Variants in NCOA4 observed in about 807,000 individuals in gnomAD.
The protein encoded by NCOA4 is 70 kDa AR-activator.
NCOA4 carries 31 observed loss-of-function variants against 69.5 expected under a neutral mutation model. The observed-to-expected ratio is 0.45, with a 90% CI of 0.34 to 0.60. NCOA4 has a LOEUF of 0.60. Among genes scored for constraint, NCOA4 ranks in the 20% least tolerant of loss-of-function variants. NCOA4 has a pLI of 0.02. For synonymous variants in NCOA4, 228 were observed against 252.4 expected, an observed-to-expected ratio of 0.90 and a Z score of 0.92; for missense variants, 600 against 719.2, an observed-to-expected ratio of 0.83 and a Z score of 1.90.
rs1838740038 is a variant in NCOA4 at position 46,005,107 on chromosome 10, A to C, written c.*1485T>G. ...AACAACTATGGCTGTTATGCTTTTA[A>C]TGGAAGCAGATACAAAATTCATCAA... On this transcript the variant is annotated 3_prime_UTR_variant, in exon 10 of 10. Transcript: ENST00000581486. 5.3e-6 allele frequency: 1 copy of C among 187,118 alleles called. No homozygotes were observed. Among genetic ancestry groups the C allele is most frequent in the Non-Finnish European group, 1.1e-5 (1 of 88,650 alleles). 11.6% of individuals were successfully genotyped at this position (187,118 alleles called of 1,614,324 possible).
At chr10:46,010,012 A>C (rs1839106572) in intron 8 of NCOA4, among the ~76,000 whole-genome samples, 1 of 152,090 alleles carries the variant, frequency 6.6e-6, no homozygotes, top group Admixed American at 6.5e-5. Context: ...AATACAAAAA[A>C]TTAGCCAGGC....
At position 46,005,684 on chromosome 10, in the gene NCOA4, G is replaced by GACTT. The variant is rs1425170461; in HGVS notation, c.*904_*907dup. 4.6e-6 allele frequency: 1 copy of GACTT among 218,178 alleles called. No homozygotes were observed. The highest frequency in any genetic ancestry group is 2.2e-5 in the African/African-American group (1 of 44,458). The allele number at this position is 218,178 out of a possible 1,614,324, so 13.5% of individuals were successfully genotyped here. On this transcript the variant is annotated 3_prime_UTR_variant, in exon 10 of 10. Transcript: ENST00000581486. Reference sequence around the variant, plus strand: ...TATGCTGTGCTTGCAGTGAGAGGATGACTTTATCCCTACTTAAAAGCACCA... The same window carrying GACTT: ...TATGCTGTGCTTGCAGTGAGAGGATGACTTACTTTATCCCTACTTAAAAGCACCA...
chr10:46,012,722 G>C (rs1839307276), intron 7 of NCOA4, among the ~76,000 whole-genome samples, 161 bp downstream of exon 7: 1 of 151,978 alleles, frequency 6.6e-6, no homozygotes, highest in Admixed American at 6.6e-5. Flanking sequence ...CTATGATAAA[G>C]AGTTCCTTAT....
chr10:46,011,534 CA>C (rs1296607429), intron 7 of NCOA4, among the ~76,000 whole-genome samples: 1 of 151,814 alleles, frequency 6.6e-6, no homozygotes, highest in African/African-American at 2.4e-5. Context: ...CTCAGCCTCC[CA>C]AAGTACTGGG....
At position 46,016,515 on chromosome 10, in the gene NCOA4, CAGAAG is replaced by C; in HGVS notation, c.141+20_141+24del. On this transcript the variant is annotated intron_variant, in intron 2 of 9. Coordinates refer to ENST00000581486, the MANE Select transcript of NCOA4 (RefSeq NM_001145263.2). ...AGCCCTGTGTCAAGAGTCCAGACAA[CAGAAG>C]AGAAAAGCACATGTCACACCTCTCG... 3 of 1,429,294 alleles carry C rather than the reference CAGAAG, an allele frequency of 2.1e-6. No individual in the cohort carries two copies. The highest frequency in any genetic ancestry group is 2.8e-6 in the Non-Finnish European group (3 of 1,073,168). The allele number at this position is 1,429,294 out of a possible 1,614,324, so 88.5% of individuals were successfully genotyped here.
At chr10:46,026,982 T>G (rs1554925594) in intron 1 of NCOA4, among the ~76,000 whole-genome samples, 1 of 151,828 alleles carries the variant, frequency 6.6e-6, no homozygotes, top group African/African-American at 2.4e-5. Flanking sequence ...TGACTAAGAG[T>G]GGTCCGGGCG....
chr10:46,016,769 G>T, intron 1 of NCOA4, 75 bp from the exon 2 acceptor site: 1 of 1,101,478 alleles, frequency 9.1e-7, no homozygotes, highest in Non-Finnish European at 1.2e-6. Context: ...TCCCTCAAAT[G>T]ATCATTCCAG....
Position 46,011,067 on chromosome 10 carries a change from A to C in NCOA4, c.854T>G (p.Met285Arg). ...AAGCTCTTGATCTCCAACCTTTTCC[A>C]TTTCAATGGAGAAAGAACTAGTAGT... ...HSTTSSFSIE[M>R]EKVGDQELPD... Residue 285 changes from methionine to arginine, a missense_variant, in exon 8 of 10, where the codon ATG becomes AGG. Met to Arg is a moderately conservative substitution (Grantham distance 91). Coordinates refer to ENST00000581486, the MANE Select transcript of NCOA4 (RefSeq NM_001145263.2). 6.2e-7 allele frequency: 1 copy of C among 1,613,866 alleles called. No homozygotes were observed. Among genetic ancestry groups the C allele is most frequent in the Non-Finnish European group, 8.5e-7 (1 of 1,179,844 alleles).
chr10:46,015,008 A>C, intron 3 of NCOA4, 66 bp from the exon 4 acceptor site: 1 of 1,581,942 alleles, frequency 6.3e-7, no homozygotes. Flanking sequence ...TCAAGTTACC[A>C]AACAGCACTT....
At position 46,023,464 on chromosome 10, in the gene NCOA4, G is replaced by A. The variant is rs192526262; in HGVS notation, c.-14-6770C>T. On this transcript the variant is annotated intron_variant, in intron 1 of 9. Transcript: ENST00000581486. ...TCACACGGCAACTCCAGTTCGCCCG[G>A]GCCACTAGCGAGCTGGAGCGCTCAA... The A allele has an allele frequency of 2.1e-3, 2,107 of 985,670 alleles. 12 individuals carry two copies. Among genetic ancestry groups the A allele is most frequent in the East Asian group, 0.019 (170 of 8,816 alleles). 61.1% of individuals were successfully genotyped at this position (985,670 alleles called of 1,614,324 possible).
intron 1 of NCOA4, chr10:46,022,296 G>A (rs1554924538): frequency 1.0e-5 from 4 of 395,726 alleles, no homozygotes; most frequent in Non-Finnish European, 5.1e-6. Context: ...TACTACACTC[G>A]AAATACTAAC....
chr10:46,018,731 G>T (rs1839708091), intron 1 of NCOA4, among the ~76,000 whole-genome samples: 1 of 152,190 alleles, frequency 6.6e-6, no homozygotes, highest in Non-Finnish European at 1.5e-5. Flanking sequence ...TAGGAGGCAT[G>T]TTAGGCAATA....
At chr10:46,029,766 G>A (rs144849237) in intron 1 of NCOA4, among the ~76,000 whole-genome samples, 1 of 152,150 alleles carries the variant, frequency 6.6e-6, no homozygotes, top group Non-Finnish European at 1.5e-5. Context: ...CCCGTGCCAC[G>A]TAAGATTATG....
intron 1 of NCOA4, among the ~76,000 whole-genome samples, chr10:46,030,024 A>G (rs921651566): frequency 1.3e-5 from 2 of 152,212 alleles, no homozygotes; most frequent in Non-Finnish European, 2.9e-5. Context: ...AAAAAACCCA[A>G]TATCTTCTTT....
At chr10:46,014,579 A>G (rs781798797) in intron 4 of NCOA4, 27 bp from the exon 5 acceptor site, 1 of 1,496,614 alleles carries the variant, frequency 6.7e-7, no homozygotes, top group Non-Finnish European at 9.2e-7. Context: ...AAAATTGGCT[A>G]TTTTTAAGGA....
At position 46,010,812 on chromosome 10, in the gene NCOA4, T is replaced by C; in HGVS notation, c.1109A>G (p.Asn370Ser). ...TGGTTTCTTGGCCTCCAAGTGGTCA[T>C]TCAGGCACTTCAGATTGCCCAGGTT... The part of the protein sequence containing the change: ...IENLGNLKCL[N>S]DHLEAKKPLS... Residue 370 changes from asparagine (N) to serine (S), a missense_variant, in exon 8 of 10, where the codon AAT becomes AGT. Physicochemically the swap from Asn to Ser is conservative, Grantham distance 46 (BLOSUM62 1). Coordinates refer to ENST00000581486, the MANE Select transcript of NCOA4 (RefSeq NM_001145263.2). 1 of 1,613,944 alleles carries C rather than the reference T, an allele frequency of 6.2e-7. No homozygotes were observed. Among genetic ancestry groups the C allele is most frequent in the Non-Finnish European group, 8.5e-7 (1 of 1,179,868 alleles).
Position 46,012,988 on chromosome 10 carries a change from T to C in NCOA4, c.609A>G (p.Glu203=), listed in dbSNP as rs782356929. ...ASGIVAVPFS[E]WLLGSKPASG... Reference sequence around the variant, plus strand: ...TGGCAGGTTTGCTTCCAAGGAGCCATTCGCTGAAAGGGACAGCTACAATAC... The same window carrying C: ...TGGCAGGTTTGCTTCCAAGGAGCCACTCGCTGAAAGGGACAGCTACAATAC... Residue 203 remains glutamate (E), a synonymous_variant, in exon 7 of 10, where the codon GAA becomes GAG. Coordinates refer to ENST00000581486, the MANE Select transcript of NCOA4 (RefSeq NM_001145263.2). 6 of 1,614,124 alleles carry C rather than the reference T, an allele frequency of 3.7e-6. No individual in the cohort carries two copies. In the South Asian group the frequency reaches 5.5e-5, roughly 15 times the overall value.
chr10:46,014,528 A>T lies in NCOA4; in HGVS notation c.396T>A (p.Pro132=). 6.2e-7 allele frequency: 1 copy of T among 1,613,662 alleles called. No individual in the cohort carries two copies. The highest frequency in any genetic ancestry group is 8.5e-7 in the Non-Finnish European group (1 of 1,179,708). The change falls in exon 5 of 10, where the codon CCT becomes CCA. Residue 132 remains proline, a synonymous_variant. Transcript: ENST00000581486. Reference sequence around the variant, plus strand: ...CAAAGAGCAGGACAGTTGAATCTTCAGGCTTAAGGGTCAAACTGCCCAGTC... The same window carrying T: ...CAAAGAGCAGGACAGTTGAATCTTCTGGCTTAAGGGTCAAACTGCCCAGTC... ...LERLGSLTLK[P]EDSTVLLFEA... is the part of the protein sequence containing the mutation.
intron 1 of NCOA4, among the ~76,000 whole-genome samples, chr10:46,018,054 G>A (rs542887973): frequency 6.8e-4 from 103 of 152,306 alleles, no homozygotes; most frequent in Non-Finnish European, 1.9e-4. Context: ...TGGAAAAAGT[G>A]AATATTAGCT....
Sources: allele counts gnomAD v4.1 joint callset (sites outside exome capture counted in the v4.1 genomes callset), GRCh38; gene constraint gnomAD v4.1.1; transcripts MANE v1.5; gene names NCBI Gene and HGNC (gene_info 2026-07-23, HGNC 2026-07-21).